Variants in GRID1 observed in about 807,000 individuals in gnomAD.
GRID1 encodes glutamate receptor ionotropic, delta-1.
In GRID1, 28 loss-of-function variants were observed where a neutral mutation model predicts 98.0. That is an observed-to-expected ratio of 0.29 (90% CI 0.21 to 0.39). GRID1 has a LOEUF of 0.39. Among genes scored for constraint, GRID1 ranks in the 10% least tolerant of loss-of-function variants. The pLI is 1.00. For synonymous variants in GRID1, 553 were observed against 538.5 expected, an observed-to-expected ratio of 1.03 and a Z score of -0.37; for missense variants, 1,111 against 1,340.5, an observed-to-expected ratio of 0.83 and a Z score of 2.67.
At chr10:86,128,257 G>A (rs11594279) in intron 4 of GRID1, among the ~76,000 whole-genome samples, 26,126 of 152,014 alleles carry the variant, frequency 0.17, 2,572 homozygotes, top group Middle Eastern at 0.28. Flanking sequence ...TATTTAAATC[G>A]AAGTGGTTCA....
intron 4 of GRID1, among the ~76,000 whole-genome samples, chr10:85,986,181 C>T (rs184677433): frequency 2.8e-4 from 42 of 152,318 alleles, no homozygotes; most frequent in African/African-American, 7.5e-4. Flanking sequence ...CATAAATGTA[C>T]GCTAAGAATT....
chr10:86,319,839 A>G (rs182296577), intron 2 of GRID1, among the ~76,000 whole-genome samples: 1 of 152,134 alleles, frequency 6.6e-6, no homozygotes, highest in South Asian at 2.1e-4. Flanking sequence ...CTACTCTATC[A>G]AATTCCCTCC....
chr10:86,327,314 A>C lies in GRID1; in HGVS notation c.235+36627T>G, dbSNP rs1848066549. Among the ~76,000 whole-genome samples, 2 of 152,302 alleles carry C rather than the reference A, an allele frequency of 1.3e-5. 1 individual carries two copies. Among genetic ancestry groups the C allele is most frequent in the Admixed American group, 1.3e-4 (2 of 15,288 alleles). ...AGGGTCTTGCTGTAACACTGGTTAT[A>C]TATTAGTTATCTCTACCCAGCATGC... On this transcript the variant is annotated intron_variant, in intron 2 of 15. Coordinates refer to ENST00000327946, the MANE Select transcript of GRID1 (RefSeq NM_017551.3).
At chr10:85,634,314 C>G (rs1843012153) in intron 13 of GRID1, among the ~76,000 whole-genome samples, 2 of 149,122 alleles carry the variant, frequency 1.3e-5, no homozygotes, top group African/African-American at 5.0e-5. Flanking sequence ...CACACACACA[C>G]AGACTACAAT....
At position 85,599,802 on chromosome 10, in the gene GRID1, A is replaced by AAAAAAAAAAAATATATAT; in HGVS notation, c.*2470_*2471insATATATATTTTTTTTTTT. 1 of 64,982 alleles carries AAAAAAAAAAAATATATAT rather than the reference A, an allele frequency of 1.5e-5. No homozygotes were observed. The highest frequency in any genetic ancestry group is 2.6e-5 in the Non-Finnish European group (1 of 38,788). 4.0% of individuals were successfully genotyped at this position (64,982 alleles called of 1,614,324 possible). ...GTAGAAAATTCTAAAAAAAAAAAAA[A>AAAAAAAAAAAATATATAT]ATATATATATATATATATAAACATG... On this transcript the variant is annotated 3_prime_UTR_variant, in exon 16 of 16. Transcript: ENST00000327946.
intron 4 of GRID1, among the ~76,000 whole-genome samples, chr10:86,037,791 C>T (rs529773076): frequency 2.6e-5 from 4 of 152,138 alleles, no homozygotes; most frequent in African/African-American, 7.2e-5. Flanking sequence ...ATCCAGCTCT[C>T]GGGTGGGCGT....
rs143861689 is a variant in GRID1 at position 85,761,651 on chromosome 10, C to T, written c.1234-32037G>A. ...AGGAGTTCTAAACGGTGCTAGCCAGCTTAAGGGAGGAAGCTGGGATAGAGG... is the reference window on the plus strand; with the variant it reads ...AGGAGTTCTAAACGGTGCTAGCCAGTTTAAGGGAGGAAGCTGGGATAGAGG... On this transcript the variant is annotated intron_variant, in intron 8 of 15. Transcript: ENST00000327946. Among the ~76,000 whole-genome samples the T allele has an allele frequency of 6.2e-3, 940 of 152,306 alleles. 25 individuals carry two copies. The highest frequency in any genetic ancestry group is 0.021 in the East Asian group (109 of 5,174).
At chr10:86,218,065 C>T (rs1296992958) in intron 2 of GRID1, among the ~76,000 whole-genome samples, 1 of 152,196 alleles carries the variant, frequency 6.6e-6, no homozygotes, top group African/African-American at 2.4e-5. Context: ...TCTCCCTCTT[C>T]ATCTCAACCT....
At chr10:86,164,122 G>C (rs893369803) in intron 3 of GRID1, among the ~76,000 whole-genome samples, 1 of 152,236 alleles carries the variant, frequency 6.6e-6, no homozygotes, top group Non-Finnish European at 1.5e-5. Flanking sequence ...GGGAGGGGCT[G>C]TGTGAGCTCA....
At chr10:85,663,026 C>T (rs1840983301) in intron 12 of GRID1, among the ~76,000 whole-genome samples, 1 of 152,172 alleles carries the variant, frequency 6.6e-6, no homozygotes, top group South Asian at 2.1e-4. Flanking sequence ...GTTCTCCTTC[C>T]TAAACATGCG....
At chr10:86,216,332 G>C (rs1191419909) in intron 2 of GRID1, among the ~76,000 whole-genome samples, 4 of 152,212 alleles carry the variant, frequency 2.6e-5, no homozygotes, top group African/African-American at 9.7e-5. Flanking sequence ...TGAATGAGCT[G>C]AGTGAAAGCA....
At chr10:85,643,462 A>G (rs1843148060) in intron 13 of GRID1, among the ~76,000 whole-genome samples, 1 of 152,160 alleles carries the variant, frequency 6.6e-6, no homozygotes, top group Non-Finnish European at 1.5e-5. Context: ...AGGGATTCAC[A>G]AGGTTACTGA....
chr10:86,111,262 A>G (rs1368276023), intron 4 of GRID1, among the ~76,000 whole-genome samples: 1 of 152,178 alleles, frequency 6.6e-6, no homozygotes, highest in Non-Finnish European at 1.5e-5. Flanking sequence ...TGGCCACAGC[A>G]AGTCACAGGG....
At chr10:85,956,715 C>G (rs992476025) in intron 4 of GRID1, among the ~76,000 whole-genome samples, 1 of 152,120 alleles carries the variant, frequency 6.6e-6, no homozygotes, top group African/African-American at 2.4e-5. Context: ...GCCCTTTCTC[C>G]CATTTAGGAG....
chr10:86,178,117 C>A (rs188989407), intron 3 of GRID1, among the ~76,000 whole-genome samples: 13 of 152,288 alleles, frequency 8.5e-5, no homozygotes, highest in East Asian at 1.9e-4. Context: ...TCCACAAAAA[C>A]CAAATCTCCA....
chr10:85,709,621 C>T (rs990816673), intron 12 of GRID1, among the ~76,000 whole-genome samples: 24 of 152,206 alleles, frequency 1.6e-4, no homozygotes, highest in African/African-American at 5.5e-4. Flanking sequence ...CTCACCTACG[C>T]TGTCTCTCTC....
intron 3 of GRID1, among the ~76,000 whole-genome samples, chr10:86,149,216 G>A (rs1353525233): frequency 6.6e-6 from 1 of 152,192 alleles, no homozygotes; most frequent in Non-Finnish European, 1.5e-5. Context: ...TTGTAAAGTG[G>A]CTTGAAGGGG....
chr10:86,097,462 G>A (rs1049982777), intron 4 of GRID1, among the ~76,000 whole-genome samples: 10 of 152,158 alleles, frequency 6.6e-5, no homozygotes, highest in African/African-American at 9.6e-5. Flanking sequence ...TCTGTCTACC[G>A]TCTATCTATC....
At chr10:85,889,299 A>G (rs1589288834) in intron 5 of GRID1, among the ~76,000 whole-genome samples, 1 of 152,142 alleles carries the variant, frequency 6.6e-6, no homozygotes, top group South Asian at 2.1e-4. Context: ...AGGAGTTTCA[A>G]TTTTGTAACA....
Sources: allele counts gnomAD v4.1 joint callset (sites outside exome capture counted in the v4.1 genomes callset), GRCh38; gene constraint gnomAD v4.1.1; transcripts MANE v1.5; gene names NCBI Gene and HGNC (gene_info 2026-07-23, HGNC 2026-07-21).